Variants in DCAF8L2 observed in about 807,000 individuals in gnomAD.
DCAF8L2 encodes DDB1- and CUL4-associated factor 8-like protein 2.
For missense variants in DCAF8L2, 430 were observed against 490.7 expected, an observed-to-expected ratio of 0.88 and a Z score of 1.17; for synonymous variants, 200 against 190.9, an observed-to-expected ratio of 1.05 and a Z score of -0.39.
At chrX:27,593,887 TAAC>T (rs1232909615) in intron 1 of DCAF8L2, among the ~76,000 whole-genome samples, 1 of 112,067 alleles carries the variant, frequency 8.9e-6, no homozygotes, top group Non-Finnish European at 1.9e-5. Flanking sequence ...TTGCTAAAGG[TAAC>T]AAAATGTGTA....
intron 2 of DCAF8L2, among the ~76,000 whole-genome samples, chrX:27,641,326 A>C (rs2147185695): frequency 9.0e-6 from 1 of 110,683 alleles, no homozygotes; most frequent in African/African-American, 3.3e-5. Context: ...TTATTTTTGA[A>C]ATTTTTGCTG....
chrX:27,707,235 A>T (rs929278559), intron 3 of DCAF8L2, among the ~76,000 whole-genome samples: 1 of 111,457 alleles, frequency 9.0e-6, no homozygotes, highest in Non-Finnish European at 1.9e-5. Flanking sequence ...TATACTAAAA[A>T]CTATTGATTT....
chrX:27,531,560 GAATAGTTT>G, the DCAF8L2 span, among the ~76,000 whole-genome samples: 5,018 of 111,804 alleles, frequency 0.045, 172 homozygotes, highest in African/African-American at 0.12. Flanking sequence ...TAGAAACTTT[GAATAGTTT>G]ATGCAAAATA....
chrX:27,558,857 T>C, the DCAF8L2 span, among the ~76,000 whole-genome samples: 1 of 107,557 alleles, frequency 9.3e-6, no homozygotes, highest in Non-Finnish European at 1.9e-5. Context: ...CAGGCTGTGT[T>C]CCAACACTTT....
In DCAF8L2 at chrX:27,672,685, A is replaced by G. The variant is rs189915178; in HGVS notation, c.-219-5151A>G. Among the ~76,000 whole-genome samples the G allele has an allele frequency of 8.0e-5, 9 of 112,276 alleles. No homozygotes were observed. The East Asian group carries it at 1.4e-3, about 18-fold the overall frequency. On this transcript the variant is annotated intron_variant, in intron 2 of 4. Transcript: ENST00000451261. ...GCAGGAATAAAAGAGGTTGGCAAAA[A>G]GTTATTTCTGACTAATGCAGTCTGA...
At chrX:27,591,014 T>TATATATATATATATATATATATATAA (rs201564902) in intron 1 of DCAF8L2, among the ~76,000 whole-genome samples, 2 of 96,788 alleles carry the variant, frequency 2.1e-5, no homozygotes, top group East Asian at 3.3e-4. Context: ...TATATATATA[T>TATATATATATATATATATATATATAA]AAATAAATAA....
intron 1 of DCAF8L2, among the ~76,000 whole-genome samples, chrX:27,602,602 C>T (rs7051899): frequency 0.078 from 8,614 of 110,554 alleles, 651 homozygotes; most frequent in African/African-American, 0.23. Context: ...ACAAATTGAT[C>T]ACAACTCCTA....
intron 4 of DCAF8L2, among the ~76,000 whole-genome samples, chrX:27,733,163 T>A (rs1921320173): frequency 9.0e-6 from 1 of 111,556 alleles, no homozygotes; most frequent in Admixed American, 9.6e-5. Flanking sequence ...GGCCATGGTT[T>A]CCCTTTTATC....
chrX:27,517,876 A>G, the DCAF8L2 span: 1 of 1,093,946 alleles, frequency 9.1e-7, no homozygotes, highest in Non-Finnish European at 1.3e-6. Context: ...GAAGAACATC[A>G]TTTTGTGCCC....
At chrX:27,746,167 T>A (rs1922151799) in intron 4 of DCAF8L2, among the ~76,000 whole-genome samples, 1 of 112,212 alleles carries the variant, frequency 8.9e-6, no homozygotes, top group Admixed American at 9.4e-5. Context: ...GAGGACACCA[T>A]GTTAAATTTG....
chrX:27,602,100 A>G (rs138728791), intron 1 of DCAF8L2, among the ~76,000 whole-genome samples: 1,347 of 111,409 alleles, frequency 0.012, 20 homozygotes, highest in African/African-American at 0.041. Context: ...CTTGTTGCCC[A>G]GGCTTGAGTG....
chrX:27,743,166 C>T (rs1175386654), intron 4 of DCAF8L2, among the ~76,000 whole-genome samples: 2 of 110,162 alleles, frequency 1.8e-5, no homozygotes, highest in Non-Finnish European at 3.8e-5. Flanking sequence ...ACTGCAGCCT[C>T]GATCTCCCAG....
At chrX:27,559,706 T>A in the DCAF8L2 span, among the ~76,000 whole-genome samples, 1 of 111,365 alleles carries the variant, frequency 9.0e-6, no homozygotes, top group Non-Finnish European at 1.9e-5. Context: ...CCTCAACTAG[T>A]CAGGTAGGTC....
chrX:27,558,753 T>TC, the DCAF8L2 span, among the ~76,000 whole-genome samples: 1 of 64,963 alleles, frequency 1.5e-5, no homozygotes. Flanking sequence ...GTGCTATCCC[T>TC]CCCCCCTCCC....
intron 3 of DCAF8L2, among the ~76,000 whole-genome samples, chrX:27,704,602 G>T (rs1380186115): frequency 9.1e-6 from 1 of 109,959 alleles, no homozygotes; most frequent in Non-Finnish European, 1.9e-5. Context: ...ACAGCATAAG[G>T]ATTATAGTTG....
the DCAF8L2 span, among the ~76,000 whole-genome samples, chrX:27,495,296 A>G: frequency 8.9e-6 from 1 of 111,781 alleles, no homozygotes; most frequent in African/African-American, 3.2e-5. Flanking sequence ...ACTGTGCCCT[A>G]TAGATTACTG....
At chrX:27,548,200 C>CTTA in the DCAF8L2 span, among the ~76,000 whole-genome samples, 10,555 of 108,889 alleles carry the variant, frequency 0.097, 407 homozygotes, top group Non-Finnish European at 0.12. Flanking sequence ...TGAATTTTTC[C>CTTA]GATACCGGAA....
chrX:27,509,841 A>G, the DCAF8L2 span, among the ~76,000 whole-genome samples: 2 of 111,948 alleles, frequency 1.8e-5, no homozygotes, highest in African/African-American at 6.5e-5. Flanking sequence ...GAATATGTGT[A>G]TAATGGATGT....
chrX:27,681,441 G>T (rs1449671351), intron 3 of DCAF8L2, among the ~76,000 whole-genome samples: 2 of 111,469 alleles, frequency 1.8e-5, no homozygotes, highest in African/African-American at 6.5e-5. Context: ...GAGCTGCACC[G>T]CCCTAAATGT....
Sources: gnomAD v4.1 joint callset for allele counts (sites outside exome capture counted in the v4.1 genomes callset) on GRCh38, gnomAD v4.1.1 for gene constraint, MANE v1.5 for transcripts, NCBI Gene and HGNC (gene_info 2026-07-23, HGNC 2026-07-21) for gene names.